The following SHISA9 variants were observed in gnomAD, a reference collection of about 807,000 sequenced individuals.
SHISA9 encodes shisa family member 9.
Under a neutral mutation model 38.0 loss-of-function variants are expected in SHISA9, and 13 were observed. That is an observed-to-expected ratio of 0.34 (90% CI 0.22 to 0.54). The LOEUF is 0.54. SHISA9 is among the 20% of genes least tolerant of loss of function. The pLI is 0.91. For missense variants in SHISA9, 538 were observed against 575.8 expected (o/e 0.93, Z 0.67); for synonymous variants, 275 against 242.0 (o/e 1.14, Z -1.27).
At chr16:13,047,757 C>T (rs1204714949) in intron 2 of SHISA9, among the ~76,000 whole-genome samples, 1 of 152,120 alleles carries the variant, frequency 6.6e-6, no homozygotes, top group Non-Finnish European at 1.5e-5. Context: ...CTCACACAAC[C>T]CTATGGGCTT....
intron 2 of SHISA9, among the ~76,000 whole-genome samples, chr16:13,177,189 T>C (rs2050738702): frequency 1.3e-5 from 2 of 152,202 alleles, no homozygotes; most frequent in Non-Finnish European, 1.5e-5. Context: ...GAACCCCCTC[T>C]CAGAGAACAT....
At chr16:13,356,341 G>A in the SHISA9 span, among the ~76,000 whole-genome samples, 1 of 152,164 alleles carries the variant, frequency 6.6e-6, no homozygotes, top group Non-Finnish European at 1.5e-5. Flanking sequence ...CACGGTTGCT[G>A]CCAAACAAGT....
At chr16:13,262,949 C>G in the SHISA9 span, among the ~76,000 whole-genome samples, 1 of 152,168 alleles carries the variant, frequency 6.6e-6, no homozygotes, top group African/African-American at 2.4e-5. Flanking sequence ...GCCTTGCATT[C>G]CCACTTCATA....
At chr16:13,152,235 C>T (rs149118797) in intron 2 of SHISA9, among the ~76,000 whole-genome samples, 161 of 152,210 alleles carry the variant, frequency 1.1e-3, no homozygotes, top group African/African-American at 3.8e-3. Context: ...TTATTTCAGA[C>T]ACTTTTTTTT....
chr16:13,149,802 G>T (rs1211248404), intron 2 of SHISA9, among the ~76,000 whole-genome samples: 1 of 151,276 alleles, frequency 6.6e-6, no homozygotes, highest in East Asian at 2.0e-4. Context: ...GTGGGTGCCG[G>T]CAATCACAGC....
the SHISA9 span, among the ~76,000 whole-genome samples, chr16:13,469,447 G>A: frequency 5.9e-5 from 9 of 151,428 alleles, no homozygotes; most frequent in Non-Finnish European, 1.3e-4. Context: ...GAAAGAAAGA[G>A]AAAGAACTGG....
intron 2 of SHISA9, among the ~76,000 whole-genome samples, chr16:13,097,510 C>G (rs1191610264): frequency 6.6e-6 from 1 of 152,022 alleles, no homozygotes; most frequent in Non-Finnish European, 1.5e-5. Flanking sequence ...AAGTGATCCC[C>G]CTGCCTCAGT....
intron 2 of SHISA9, among the ~76,000 whole-genome samples, chr16:13,109,770 G>A (rs2073960032): frequency 6.6e-6 from 1 of 152,152 alleles, no homozygotes. Context: ...TATACAGTAT[G>A]TGATCTTCTA....
At chr16:13,426,448 G>A in the SHISA9 span, among the ~76,000 whole-genome samples, 3 of 152,166 alleles carry the variant, frequency 2.0e-5, no homozygotes, top group Non-Finnish European at 4.4e-5. Flanking sequence ...GCATCTGGGA[G>A]ATAGAGCCCC....
intron 2 of SHISA9, among the ~76,000 whole-genome samples, chr16:13,067,836 C>T (rs1596623888): frequency 1.3e-5 from 2 of 152,202 alleles, no homozygotes; most frequent in Non-Finnish European, 2.9e-5. Context: ...TGCTTGGCAG[C>T]CCCCACGCTG....
the SHISA9 span, among the ~76,000 whole-genome samples, chr16:13,370,708 G>A: frequency 1.3e-5 from 2 of 151,998 alleles, no homozygotes; most frequent in Non-Finnish European, 2.9e-5. Context: ...TTATTTTTGA[G>A]GGAGTGTTTG....
chr16:13,315,093 G>A, the SHISA9 span, among the ~76,000 whole-genome samples: 1 of 150,992 alleles, frequency 6.6e-6, no homozygotes, highest in East Asian at 1.9e-4. Context: ...AGAACCTGCT[G>A]TTGGCATCTC....
At chr16:12,921,723 A>T (rs1162986879) in intron 2 of SHISA9, among the ~76,000 whole-genome samples, 1 of 152,192 alleles carries the variant, frequency 6.6e-6, no homozygotes, top group Non-Finnish European at 1.5e-5. Flanking sequence ...CTATGATCAC[A>T]CCACTGCACT....
chr16:13,084,718 G>T (rs946287657), intron 2 of SHISA9, among the ~76,000 whole-genome samples: 1 of 143,586 alleles, frequency 7.0e-6, no homozygotes, highest in Non-Finnish European at 1.5e-5. Context: ...CCTCATTTGG[G>T]GCCAGAAAGC....
At chr16:13,057,771 T>G (rs532609343) in intron 2 of SHISA9, among the ~76,000 whole-genome samples, 2 of 152,340 alleles carry the variant, frequency 1.3e-5, no homozygotes, top group Non-Finnish European at 2.9e-5. Flanking sequence ...TATGAAGCCC[T>G]GCATGCCTTA....
intron 2 of SHISA9, among the ~76,000 whole-genome samples, chr16:13,101,833 A>G (rs1217731279): frequency 1.3e-5 from 2 of 152,212 alleles, no homozygotes; most frequent in Non-Finnish European, 1.5e-5. Context: ...ACAGGTGTGA[A>G]GGGATAGGCA....
the SHISA9 span, among the ~76,000 whole-genome samples, chr16:13,392,000 T>C: frequency 2.6e-5 from 4 of 152,186 alleles, no homozygotes; most frequent in African/African-American, 9.7e-5. Context: ...GGTATCTGTT[T>C]ATAGCCATCT....
At chr16:12,997,598 G>T (rs1304582334) in intron 2 of SHISA9, among the ~76,000 whole-genome samples, 1 of 151,828 alleles carries the variant, frequency 6.6e-6, no homozygotes, top group Non-Finnish European at 1.5e-5. Flanking sequence ...TAGAGATAGG[G>T]TTTCACCATG....
At chr16:13,436,259 G>A in the SHISA9 span, among the ~76,000 whole-genome samples, 3 of 152,210 alleles carry the variant, frequency 2.0e-5, no homozygotes, top group African/African-American at 4.8e-5. Flanking sequence ...AAAGAAACCA[G>A]CCAAAACCTA....
Sources: gnomAD v4.1 joint callset for allele counts (sites outside exome capture counted in the v4.1 genomes callset) on GRCh38, gnomAD v4.1.1 for gene constraint, MANE v1.5 for transcripts, NCBI Gene and HGNC (gene_info 2026-07-23, HGNC 2026-07-21) for gene names.